The following PEAK1 variants were observed in gnomAD, a reference collection of about 807,000 sequenced individuals.
The protein encoded by PEAK1 is pseudopodium enriched atypical kinase 1.
PEAK1 carries 54 observed loss-of-function variants against 124.7 expected under a neutral mutation model. That is an observed-to-expected ratio of 0.43 (90% CI 0.35 to 0.54). The LOEUF is 0.54. Among genes scored for constraint, PEAK1 ranks in the 20% least tolerant of loss-of-function variants. The pLI, the probability that PEAK1 is intolerant of heterozygous loss-of-function variation, is 0.01. For missense variants in PEAK1, 2,046 were observed against 2,134.5 expected (o/e 0.96, Z 0.82); for synonymous variants, 719 against 760.0 (o/e 0.95, Z 0.89).
Position 77,367,632 on chromosome 15 carries a change from C to T in PEAK1, c.-665-2407G>A, listed in dbSNP as rs76300995. On this transcript the variant is annotated intron_variant, in intron 1 of 9. Transcript: ENST00000682557. ...ATTTGCATAGAAGAGGCTACAAATA[C>T]ATACAATGTTAATAGTGCTTTGCTT... 5.9e-3 allele frequency among the ~76,000 whole-genome samples: 894 copies of T among 152,274 alleles called. 12 individuals are homozygous for T. The highest frequency in any genetic ancestry group is 0.02 in the African/African-American group (828 of 41,562).
intron 2 of PEAK1, among the ~76,000 whole-genome samples, chr15:77,345,524 T>C (rs918982183): frequency 6.6e-6 from 1 of 152,122 alleles, no homozygotes; most frequent in South Asian, 2.1e-4. Flanking sequence ...AGGGAGAACA[T>C]TGCACAACTA....
At chr15:77,313,459 TTTTA>T (rs559943376) in intron 2 of PEAK1, among the ~76,000 whole-genome samples, 6 of 151,826 alleles carry the variant, frequency 4.0e-5, no homozygotes, top group East Asian at 1.9e-4. Context: ...CTTCCTTTTA[TTTTA>T]TTTATTTATT....
At chr15:77,259,103 T>G (rs12909924) in intron 5 of PEAK1, among the ~76,000 whole-genome samples, 99,503 of 151,960 alleles carry the variant, frequency 0.65, 33,558 homozygotes, top group Non-Finnish European at 0.75. Flanking sequence ...GTTGTTACAG[T>G]AACTAAATGC....
chr15:77,335,492 G>A (rs2066143638), intron 2 of PEAK1: 1 of 985,024 alleles, frequency 1.0e-6, no homozygotes. Flanking sequence ...TTACTACTTT[G>A]TTTCAAGAGA....
chr15:77,318,752 C>CG (rs1427348695), intron 2 of PEAK1, among the ~76,000 whole-genome samples: 8 of 151,774 alleles, frequency 5.3e-5, no homozygotes, highest in African/African-American at 1.9e-4. Flanking sequence ...AGCAAACATG[C>CG]GGTATAAGTA....
rs1472561959 is a variant in PEAK1 at position 77,145,307 on chromosome 15, G to A, written c.3332-11557C>T. Among the ~76,000 whole-genome samples, 5 of 152,140 alleles carry A rather than the reference G, an allele frequency of 3.3e-5. No individual in the cohort carries two copies. The East Asian group carries it at 7.7e-4, about 23-fold the overall frequency. The stretch of plus-strand genomic sequence containing the variant: ...CCACTAAAATACAAAAAATTAGCTG[G>A]GGGTGGTGGCATGTGCCTGTAGTCC... On this transcript the variant is annotated intron_variant, in intron 8 of 9. Coordinates refer to ENST00000682557, the MANE Select transcript of PEAK1 (RefSeq NM_001385026.1).
In PEAK1 at chr15:77,115,125, G is replaced by C. The variant is rs770564562; in HGVS notation, c.4272C>G (p.Asp1424Glu). The change falls in exon 10 of 10, where the codon GAC becomes GAG. Residue 1424 changes from aspartate (D) to glutamate (E), a missense_variant. By Grantham distance (45) the Asp-to-Glu change is conservative. Transcript: ENST00000682557. ...DEDDMEETEEDAKGETDGKNP... is the reference protein window; with the variant it reads ...DEDDMEETEEEAKGETDGKNP... ...TTTTCCCATCCGTTTCTCCTTTGGC[G>C]TCTTCTTCAGTCTCTTCCATGTCAT... The C allele has an allele frequency of 1.2e-6, 2 of 1,613,906 alleles. No homozygotes were observed. The highest frequency in any genetic ancestry group is 1.7e-6 in the Non-Finnish European group (2 of 1,180,010).
At chr15:77,415,218 T>A (rs2072773895) in intron 1 of PEAK1, among the ~76,000 whole-genome samples, 1 of 152,202 alleles carries the variant, frequency 6.6e-6, no homozygotes, top group African/African-American at 2.4e-5. Context: ...TAACTAACAA[T>A]CCTTCTTCAG....
intron 9 of PEAK1, among the ~76,000 whole-genome samples, chr15:77,125,170 A>G (rs1566996903): frequency 6.6e-6 from 1 of 152,180 alleles, no homozygotes; most frequent in Non-Finnish European, 1.5e-5. Context: ...TATGGACATG[A>G]TATTATAATA....
In PEAK1 at chr15:77,133,788, G is replaced by A; in HGVS notation, c.3332-38C>T. The stretch of plus-strand genomic sequence containing the variant: ...TAAAGCAATAAAAAGAAAAGAGTAA[G>A]TAAAGTTTTCAATCTAATTTTATAA... On this transcript the variant is annotated intron_variant, in intron 8 of 9. Transcript: ENST00000682557. This position sits in a 1 kb window ranked among gnomAD's most constrained non-coding sequence, Gnocchi z 4.2. 1 of 1,508,558 alleles carries A rather than the reference G, an allele frequency of 6.6e-7. No individual in the cohort carries two copies. 93.4% of individuals were successfully genotyped at this position (1,508,558 alleles called of 1,614,324 possible). A position where few individuals can be genotyped will look rare whatever the true frequency, so the allele number is the denominator to read the frequency against.
chr15:77,420,674 A>G, upstream of PEAK1: 1 of 392,706 alleles, frequency 2.5e-6, no homozygotes, highest in Non-Finnish European at 4.5e-6. Flanking sequence ...AATAAGGCTC[A>G]CCTTGCGTAA....
intron 2 of PEAK1, among the ~76,000 whole-genome samples, chr15:77,360,808 C>A (rs2067839361): frequency 6.6e-6 from 1 of 151,560 alleles, no homozygotes; most frequent in Non-Finnish European, 1.5e-5. Flanking sequence ...TACAAATAAC[C>A]TAATTTTAAA....
chr15:77,201,232 C>CTTT (rs11363810), intron 6 of PEAK1, among the ~76,000 whole-genome samples: 94 of 77,258 alleles, frequency 1.2e-3, no homozygotes, highest in African/African-American at 1.5e-3. Context: ...GCCTTTGTGT[C>CTTT]TTTTTTTTTT....
At chr15:77,317,568 A>T (rs756831779) in intron 2 of PEAK1, among the ~76,000 whole-genome samples, 2 of 152,198 alleles carry the variant, frequency 1.3e-5, no homozygotes, top group African/African-American at 4.8e-5. Flanking sequence ...AGCAGCACAA[A>T]TGAGTTGAAT....
rs1020107361 is a variant in PEAK1 at position 77,374,289 on chromosome 15, A to G, written c.-665-9064T>C. On this transcript the variant is annotated intron_variant, in intron 1 of 9. Transcript: ENST00000682557. ...TTACAGATTTTGCTAGGGGCTTCAGATACTTCTAATTAGTTTTACTAGGTA... is the reference window on the plus strand; with the variant it reads ...TTACAGATTTTGCTAGGGGCTTCAGGTACTTCTAATTAGTTTTACTAGGTA... Among the ~76,000 whole-genome samples, 8 of 152,300 alleles carry G rather than the reference A, an allele frequency of 5.3e-5. No individual in the cohort carries two copies. The South Asian group carries it at 1.7e-3, about 32-fold the overall frequency.
At chr15:77,167,797 T>C (rs1596443887) in intron 7 of PEAK1, among the ~76,000 whole-genome samples, 2 of 152,272 alleles carry the variant, frequency 1.3e-5, no homozygotes, top group East Asian at 3.9e-4. Flanking sequence ...TGCAGATTTG[T>C]TACATATGTA....
At chr15:77,304,717 G>C (rs2152995010) in intron 2 of PEAK1, among the ~76,000 whole-genome samples, 1 of 152,172 alleles carries the variant, frequency 6.6e-6, no homozygotes, top group East Asian at 1.9e-4. Context: ...AAAGTGATGG[G>C]ATTACAGGCA....
At chr15:77,357,954 A>G (rs1214502953) in intron 2 of PEAK1, among the ~76,000 whole-genome samples, 2 of 152,054 alleles carry the variant, frequency 1.3e-5, no homozygotes, top group Admixed American at 6.5e-5. Context: ...GCCTTTTCCC[A>G]CATAGCCAAG....
chr15:77,385,321 G>T (rs2069838119), intron 1 of PEAK1, among the ~76,000 whole-genome samples: 1 of 152,128 alleles, frequency 6.6e-6, no homozygotes, highest in Non-Finnish European at 1.5e-5. Flanking sequence ...GTTCTTTAAA[G>T]TTTTGCAAAT....
Sources: allele counts gnomAD v4.1 joint callset (sites outside exome capture counted in the v4.1 genomes callset), GRCh38; gene constraint gnomAD v4.1.1; non-coding constraint Gnocchi (gnomAD v3.1); transcripts MANE v1.5; gene names NCBI Gene and HGNC (gene_info 2026-07-23, HGNC 2026-07-21).